Variants in RAPGEF2 observed in about 807,000 individuals in gnomAD.
The protein encoded by RAPGEF2 is Rap guanine nucleotide exchange factor 2.
Under a neutral mutation model 186.7 loss-of-function variants are expected in RAPGEF2, and 54 were observed. That is an observed-to-expected ratio of 0.29 (90% confidence interval 0.23 to 0.36). The LOEUF (loss-of-function observed/expected upper bound fraction) is 0.36. RAPGEF2 is among the 10% of genes least tolerant of loss of function. The pLI is 1.00. For missense variants in RAPGEF2, 1,532 were observed against 2,045.0 expected, an observed-to-expected ratio of 0.75 and a Z score of 4.84; for synonymous variants, 712 against 705.9, an observed-to-expected ratio of 1.01 and a Z score of -0.14.
chr4:159,132,156 G>A (rs1206962528), intron 1 of RAPGEF2, among the ~76,000 whole-genome samples: 1 of 152,164 alleles, frequency 6.6e-6, no homozygotes, highest in African/African-American at 2.4e-5. Context: ...CAAGAATTGA[G>A]AAACATTTAT....
intron 1 of RAPGEF2, among the ~76,000 whole-genome samples, chr4:159,178,757 C>G (rs1746722140): frequency 6.6e-6 from 1 of 151,968 alleles, no homozygotes; most frequent in Non-Finnish European, 1.5e-5. Context: ...GGGGGTTTCT[C>G]CATGTTAGCC....
At chr4:159,323,901 G>A (rs931738618) in intron 11 of RAPGEF2, among the ~76,000 whole-genome samples, 7 of 147,792 alleles carry the variant, frequency 4.7e-5, no homozygotes, top group Non-Finnish European at 7.5e-5. Context: ...GGGTTTTTTG[G>A]AGGGCTTTTT....
chr4:159,299,838 C>T (rs936224079), intron 7 of RAPGEF2, among the ~76,000 whole-genome samples: 1 of 151,612 alleles, frequency 6.6e-6, no homozygotes, highest in Admixed American at 6.6e-5. Flanking sequence ...GTAGAATTTA[C>T]TTTTACAAAG....
chr4:159,147,049 T>C (rs1743026202), intron 1 of RAPGEF2, among the ~76,000 whole-genome samples: 1 of 152,336 alleles, frequency 6.6e-6, no homozygotes, highest in South Asian at 2.1e-4. Flanking sequence ...TCCTCCCCAC[T>C]GGCCTCCCAA....
chr4:159,307,191 A>G (rs1382393316), intron 8 of RAPGEF2, among the ~76,000 whole-genome samples: 5 of 152,162 alleles, frequency 3.3e-5, no homozygotes, highest in Admixed American at 2.6e-4. Flanking sequence ...TTTAGAGACA[A>G]TATAGTTATG....
Position 159,280,987 on chromosome 4 carries a change from T to TTC in RAPGEF2, c.544-23354_544-23353insCT, listed in dbSNP as rs150528432. On this transcript the variant is annotated intron_variant, in intron 7 of 29. Coordinates refer to ENST00000691494, the MANE Select transcript of RAPGEF2 (RefSeq NM_001394067.2). Reference sequence around the variant, plus strand: ...CGTAGACAAGTAATTTAACTACTTCTTTTTTTTTTTTTTTCCTGAGACGGA... The same window carrying TTC: ...CGTAGACAAGTAATTTAACTACTTCTTCTTTTTTTTTTTTTTCCTGAGACGGA... Among the ~76,000 whole-genome samples, 784 of 115,942 alleles carry TTC rather than the reference T, an allele frequency of 6.8e-3. 5 individuals are homozygous for TTC. The highest frequency in any genetic ancestry group is 0.032 in the African/African-American group (598 of 18,660). 76.1% of individuals were successfully genotyped at this position (115,942 alleles called of 152,430 possible).
chr4:159,163,503 A>G (rs914290155), intron 1 of RAPGEF2, among the ~76,000 whole-genome samples: 1 of 152,236 alleles, frequency 6.6e-6, no homozygotes, highest in African/African-American at 2.4e-5. Flanking sequence ...CACTCTAAAT[A>G]TAAGCTTATA....
intron 1 of RAPGEF2, among the ~76,000 whole-genome samples, chr4:159,182,445 G>C (rs542374801): frequency 7.2e-5 from 10 of 139,766 alleles, no homozygotes; most frequent in Admixed American, 2.3e-4. Flanking sequence ...GCCCAGGCAG[G>C]AGTGCAGTGG....
chr4:159,174,102 A>G (rs377305224), intron 1 of RAPGEF2, among the ~76,000 whole-genome samples: 143 of 152,368 alleles, frequency 9.4e-4, no homozygotes, highest in African/African-American at 3.4e-3. Context: ...TAACAAAATG[A>G]GTTTTTGGTG....
intron 7 of RAPGEF2, among the ~76,000 whole-genome samples, chr4:159,268,875 T>C (rs1013670797): frequency 6.6e-6 from 1 of 152,198 alleles, no homozygotes; most frequent in African/African-American, 2.4e-5. Flanking sequence ...ATGTGAGTTC[T>C]CATGGTGCTA....
Position 159,169,362 on chromosome 4 carries a change from C to T in RAPGEF2, c.70-17280C>T, listed in dbSNP as rs544198949. On this transcript the variant is annotated intron_variant, in intron 1 of 29. Transcript: ENST00000691494. ...AATTATAGGTATTTATGGTGTACAA[C>T]GTGATTTGAAATATGCATACATTGT... Among the ~76,000 whole-genome samples the T allele has an allele frequency of 1.2e-4, 19 of 152,192 alleles. 1 individual carries two copies. The South Asian group carries it at 2.9e-3, about 23-fold the overall frequency.
chr4:159,322,044 A>G (rs1019992028), intron 9 of RAPGEF2, among the ~76,000 whole-genome samples: 1 of 152,202 alleles, frequency 6.6e-6, no homozygotes, highest in Non-Finnish European at 1.5e-5. Flanking sequence ...AATAAGCCTT[A>G]TATCTCATTT....
At chr4:159,327,829 A>G (rs1321725105) in intron 11 of RAPGEF2, 1 of 151,918 alleles carries the variant, frequency 6.6e-6, no homozygotes, top group African/African-American at 2.4e-5. Flanking sequence ...TACCAGTTCT[A>G]TATGACCATA....
At chr4:159,226,306 A>G (rs1752025128) in intron 4 of RAPGEF2, among the ~76,000 whole-genome samples, 1 of 152,208 alleles carries the variant, frequency 6.6e-6, no homozygotes, top group Non-Finnish European at 1.5e-5. Flanking sequence ...TAAATTAACT[A>G]TAAAATATTT....
Position 159,308,971 on chromosome 4 carries a change from A to C in RAPGEF2, c.675+4498A>C, listed in dbSNP as rs555445151. On this transcript the variant is annotated intron_variant, in intron 8 of 29. Transcript: ENST00000691494. ...AAATTGACCAGAGAAATGGAGATTC[A>C]ATTGAGTTAGTGCCCTCAAATATAA... Among the ~76,000 whole-genome samples, 11 of 152,304 alleles carry C rather than the reference A, an allele frequency of 7.2e-5. No homozygotes were observed. The East Asian group carries it at 1.7e-3, about 24-fold the overall frequency.
intron 8 of RAPGEF2, among the ~76,000 whole-genome samples, chr4:159,314,313 T>A (rs1412350105): frequency 6.6e-6 from 1 of 152,176 alleles, no homozygotes; most frequent in East Asian, 1.9e-4. Context: ...TTTTTCTTCT[T>A]TATTCTACTA....
chr4:159,188,400 A>G (rs1747765132), intron 2 of RAPGEF2, among the ~76,000 whole-genome samples: 1 of 152,146 alleles, frequency 6.6e-6, no homozygotes, highest in African/African-American at 2.4e-5. Context: ...GTGGTGGCTC[A>G]TGCCTGTAAT....
At chr4:159,168,010 G>A (rs1169072340) in intron 1 of RAPGEF2, among the ~76,000 whole-genome samples, 3 of 152,230 alleles carry the variant, frequency 2.0e-5, no homozygotes, top group Non-Finnish European at 4.4e-5. Context: ...AGGCTCATAT[G>A]TGTAAATATG....
chr4:159,146,387 T>C (rs1449331520), intron 1 of RAPGEF2, among the ~76,000 whole-genome samples: 1 of 151,846 alleles, frequency 6.6e-6, no homozygotes, highest in African/African-American at 2.4e-5. Flanking sequence ...TTTGGTGCAT[T>C]GTAGGGATTA....
Sources: allele counts gnomAD v4.1 joint callset (sites outside exome capture counted in the v4.1 genomes callset), GRCh38; gene constraint gnomAD v4.1.1; transcripts MANE v1.5; gene names NCBI Gene and HGNC (gene_info 2026-07-23, HGNC 2026-07-21).